The following RTN1 variants were observed in gnomAD, a reference collection of about 807,000 sequenced individuals.
RTN1 encodes the protein reticulon-1.
A neutral mutation model predicts 65.5 loss-of-function variants in RTN1; 25 were observed. The observed-to-expected ratio is 0.38, with a 90% CI of 0.28 to 0.53. RTN1 has a LOEUF of 0.53. RTN1 is among the 20% of genes least tolerant of loss of function. The probability of loss-of-function intolerance (pLI) is 0.79; values close to 1 mark genes in which losing one functional copy is unlikely to be tolerated. For synonymous variants in RTN1, 471 were observed against 447.6 expected (o/e 1.05, Z -0.66); for missense variants, 983 against 1,025.4 (o/e 0.96, Z 0.57).
chr14:59,699,230 T>A (rs1219894587), intron 3 of RTN1, among the ~76,000 whole-genome samples: 2 of 151,620 alleles, frequency 1.3e-5, no homozygotes, highest in African/African-American at 4.9e-5. Context: ...GCTAAAGTGC[T>A]TACATAATCA....
At chr14:59,618,164 C>G (rs1044448221) in intron 3 of RTN1, among the ~76,000 whole-genome samples, 7 of 152,222 alleles carry the variant, frequency 4.6e-5, no homozygotes, top group African/African-American at 1.4e-4. Context: ...ACAGCCCTTT[C>G]CCAAAGCAGA....
At chr14:59,680,040 C>A (rs1444997188) in intron 3 of RTN1, among the ~76,000 whole-genome samples, 1 of 152,192 alleles carries the variant, frequency 6.6e-6, no homozygotes, top group East Asian at 1.9e-4. Flanking sequence ...CTACTGCCCT[C>A]ATACCCAATA....
intron 1 of RTN1, 56 bp from the exon 2 acceptor site, chr14:59,746,537 CTT>C: frequency 1.4e-6 from 2 of 1,449,282 alleles, no homozygotes; most frequent in Non-Finnish European, 1.9e-6. Context: ...AGCTCTCTCT[CTT>C]GTCTAACCCA....
At chr14:59,744,883 A>G (rs1885183490) in intron 2 of RTN1, among the ~76,000 whole-genome samples, 1 of 152,128 alleles carries the variant, frequency 6.6e-6, no homozygotes. Flanking sequence ...CCTGTGCTAT[A>G]GTTTGAATGT....
chr14:59,671,231 T>A (rs1883497119), intron 3 of RTN1, among the ~76,000 whole-genome samples: 1 of 152,212 alleles, frequency 6.6e-6, no homozygotes, highest in Non-Finnish European at 1.5e-5. Context: ...TATTCTCTCT[T>A]TGAGCATTTA....
At chr14:59,660,423 T>A (rs1883219419) in intron 3 of RTN1, among the ~76,000 whole-genome samples, 1 of 152,120 alleles carries the variant, frequency 6.6e-6, no homozygotes, top group Non-Finnish European at 1.5e-5. Flanking sequence ...CCACCCCAAA[T>A]CAACAGAATA....
chr14:59,631,918 G>A (rs569973509), intron 3 of RTN1, among the ~76,000 whole-genome samples: 19 of 152,234 alleles, frequency 1.2e-4, no homozygotes, highest in Admixed American at 2.6e-4. Flanking sequence ...GAGCCTTCCC[G>A]ATTCTTCTAC....
chr14:59,773,586 A>G (rs1885997636), intron 1 of RTN1, among the ~76,000 whole-genome samples: 1 of 152,150 alleles, frequency 6.6e-6, no homozygotes, highest in African/African-American at 2.4e-5. Context: ...TCCATAATTG[A>G]GAATCAGATG....
At chr14:59,764,465 C>T (rs112125126) in intron 1 of RTN1, among the ~76,000 whole-genome samples, 2,380 of 151,948 alleles carry the variant, frequency 0.016, 61 homozygotes, top group African/African-American at 0.055. Flanking sequence ...GGATTACAGG[C>T]GCCTGCTACC....
At chr14:59,818,710 C>G (rs1404407288) in intron 1 of RTN1, among the ~76,000 whole-genome samples, 3 of 152,136 alleles carry the variant, frequency 2.0e-5, no homozygotes, top group African/African-American at 7.2e-5. Context: ...CAAAAGGTAG[C>G]TCTCTTTTAA....
At chr14:59,731,889 G>A (rs143425835) in intron 2 of RTN1, among the ~76,000 whole-genome samples, 2 of 152,232 alleles carry the variant, frequency 1.3e-5, no homozygotes, top group East Asian at 3.9e-4. Context: ...ATCTCAAGGT[G>A]ATTTTACCCA....
intron 3 of RTN1, among the ~76,000 whole-genome samples, chr14:59,645,940 T>G (rs1882886654): frequency 6.6e-6 from 1 of 152,158 alleles, no homozygotes; most frequent in Admixed American, 6.5e-5. Flanking sequence ...ACTACACTAG[T>G]TCTTCAACAA....
chr14:59,695,018 A>G (rs892073878), intron 3 of RTN1, among the ~76,000 whole-genome samples: 19 of 152,158 alleles, frequency 1.2e-4, no homozygotes, highest in African/African-American at 3.9e-4. Context: ...TTTTCCCTGT[A>G]TTTCCTTGAA....
intron 3 of RTN1, among the ~76,000 whole-genome samples, chr14:59,673,260 C>T (rs1048183723): frequency 6.6e-6 from 1 of 152,082 alleles, no homozygotes; most frequent in Non-Finnish European, 1.5e-5. Flanking sequence ...CTTTTGTGTT[C>T]CGTGAGTGGG....
chr14:59,750,285 T>G (rs1276917914), intron 1 of RTN1, among the ~76,000 whole-genome samples: 1 of 75,538 alleles, frequency 1.3e-5, no homozygotes, highest in African/African-American at 5.5e-5. Context: ...ATATATAATA[T>G]ATATAATATC....
At chr14:59,608,716 C>T (rs1205694324) in intron 3 of RTN1, among the ~76,000 whole-genome samples, 9 of 152,150 alleles carry the variant, frequency 5.9e-5, no homozygotes, top group Non-Finnish European at 1.0e-4. Context: ...CCTGGTCCAT[C>T]AGGGACATTA....
chr14:59,664,424 A>C (rs962851997), intron 3 of RTN1, among the ~76,000 whole-genome samples: 9 of 152,172 alleles, frequency 5.9e-5, no homozygotes, highest in African/African-American at 2.2e-4. Context: ...TATGTAACAA[A>C]CTTGCATGTT....
chr14:59,646,375 T>C (rs1882896821), intron 3 of RTN1, among the ~76,000 whole-genome samples: 1 of 152,122 alleles, frequency 6.6e-6, no homozygotes, highest in Non-Finnish European at 1.5e-5. Context: ...AGCAAACAAC[T>C]TGGAAAACAT....
intron 3 of RTN1, among the ~76,000 whole-genome samples, chr14:59,714,857 C>T (rs998002994): frequency 2.0e-5 from 3 of 152,174 alleles, no homozygotes; most frequent in Non-Finnish European, 4.4e-5. Flanking sequence ...AGGAGGGGAG[C>T]GGCAGGTGAG....
Sources: gnomAD v4.1 joint callset for allele counts (sites outside exome capture counted in the v4.1 genomes callset) on GRCh38, gnomAD v4.1.1 for gene constraint, MANE v1.5 for transcripts, NCBI Gene and HGNC (gene_info 2026-07-23, HGNC 2026-07-21) for gene names.